Variants in RIMS2 observed in about 807,000 individuals in gnomAD.
RIMS2 encodes regulating synaptic membrane exocytosis 2.
In RIMS2, 59 loss-of-function variants were observed where a neutral mutation model predicts 174.4. The ratio of observed to expected loss-of-function variants is 0.34; its 90% CI spans 0.27 to 0.42. The LOEUF (loss-of-function observed/expected upper bound fraction) is 0.42, where lower values mean the gene tolerates loss of function less well. Ranked by LOEUF, RIMS2 falls within the 10% of genes least tolerant of loss-of-function variation. RIMS2 has a pLI of 1.00. For missense variants in RIMS2, 1,620 were observed against 1,666.3 expected, an observed-to-expected ratio of 0.97 and a Z score of 0.48; for synonymous variants, 606 against 572.5, an observed-to-expected ratio of 1.06 and a Z score of -0.84.
At chr8:103,590,149 C>G (rs1443528535) in intron 1 of RIMS2, among the ~76,000 whole-genome samples, 1 of 151,308 alleles carries the variant, frequency 6.6e-6, no homozygotes, top group East Asian at 1.9e-4. Context: ...TCAGGATGTG[C>G]TTATTTCATG....
intron 3 of RIMS2, among the ~76,000 whole-genome samples, chr8:103,862,911 T>G (rs2099066062): frequency 6.6e-6 from 1 of 152,156 alleles, no homozygotes; most frequent in Non-Finnish European, 1.5e-5. Context: ...TGATCAGAGA[T>G]AATTTGACTT....
intron 1 of RIMS2, among the ~76,000 whole-genome samples, chr8:103,529,711 G>A (rs1015596787): frequency 1.1e-4 from 17 of 152,180 alleles, no homozygotes; most frequent in Middle Eastern, 3.2e-3. Flanking sequence ...CCCATCTTCC[G>A]TGTCGCTCAC....
intron 19 of RIMS2, among the ~76,000 whole-genome samples, chr8:104,041,989 T>C (rs990670753): frequency 6.6e-6 from 1 of 151,490 alleles, no homozygotes; most frequent in African/African-American, 2.4e-5. Context: ...TGAACACATG[T>C]GGTACTGTTC....
intron 19 of RIMS2, among the ~76,000 whole-genome samples, chr8:104,214,297 C>T (rs1329553258): frequency 2.0e-5 from 3 of 152,146 alleles, no homozygotes; most frequent in Non-Finnish European, 4.4e-5. Context: ...TCTTGTTAGA[C>T]GTGAGCCACT....
rs140075458 is a variant in RIMS2, at chr8:104,125,450, A to G, written c.3334+110835A>G. On this transcript the variant is annotated intron_variant, in intron 19 of 23. Transcript: ENST00000504942. ...TTATGAGGTTTAAATTAGTGCATGTACCTACTTAGAATAATGCCTAGTACA... is the reference window on the plus strand; with the variant it reads ...TTATGAGGTTTAAATTAGTGCATGTGCCTACTTAGAATAATGCCTAGTACA... 2.4e-3 allele frequency among the ~76,000 whole-genome samples: 358 copies of G among 152,258 alleles called. 3 individuals are homozygous for G. Among genetic ancestry groups the G allele is most frequent in the Non-Finnish European group, 6.8e-4 (46 of 68,024 alleles).
At chr8:104,099,573 G>GGC (rs1383236829) in intron 19 of RIMS2, among the ~76,000 whole-genome samples, 1 of 152,096 alleles carries the variant, frequency 6.6e-6, no homozygotes, top group Non-Finnish European at 1.5e-5. Flanking sequence ...GTGGTGTGTA[G>GGC]GTGCTATTCC....
chr8:103,633,466 C>T (rs2095996060), intron 1 of RIMS2, among the ~76,000 whole-genome samples: 1 of 152,092 alleles, frequency 6.6e-6, no homozygotes, highest in Non-Finnish European at 1.5e-5. Context: ...ATTTTTATAT[C>T]ATGTTCATCA....
chr8:104,097,456 C>T (rs2097782293), intron 19 of RIMS2, among the ~76,000 whole-genome samples: 1 of 152,052 alleles, frequency 6.6e-6, no homozygotes, highest in Admixed American at 6.6e-5. Context: ...TTCTATGCTC[C>T]CAACCAGTAG....
chr8:104,177,681 T>C (rs1460153383), intron 19 of RIMS2, among the ~76,000 whole-genome samples: 1 of 152,126 alleles, frequency 6.6e-6, no homozygotes, highest in Non-Finnish European at 1.5e-5. Context: ...AAAACACAAG[T>C]AAACAAATTG....
intron 2 of RIMS2, among the ~76,000 whole-genome samples, chr8:103,744,616 T>C (rs1389983798): frequency 6.6e-6 from 1 of 152,218 alleles, no homozygotes; most frequent in Admixed American, 6.5e-5. Context: ...AAATGGTACC[T>C]GCAAATGGTT....
At chr8:103,763,230 G>T (rs2098131283) in intron 2 of RIMS2, among the ~76,000 whole-genome samples, 1 of 152,100 alleles carries the variant, frequency 6.6e-6, no homozygotes, top group Non-Finnish European at 1.5e-5. Context: ...TTGAACTCAG[G>T]CATTCAAGAC....
At chr8:103,834,536 A>T (rs2098846620) in intron 3 of RIMS2, among the ~76,000 whole-genome samples, 1 of 150,702 alleles carries the variant, frequency 6.6e-6, no homozygotes, top group African/African-American at 2.4e-5. Context: ...TATGCATGAG[A>T]TTTTGGCAGT....
At chr8:103,609,383 T>A (rs1369794609) in intron 1 of RIMS2, among the ~76,000 whole-genome samples, 1 of 152,202 alleles carries the variant, frequency 6.6e-6, no homozygotes, top group Non-Finnish European at 1.5e-5. Flanking sequence ...TGCCAATGTT[T>A]GTTTTTGTTG....
chr8:104,041,318 GATC>G lies in RIMS2; in HGVS notation c.3334+26705_3334+26707del. On this transcript the variant is annotated intron_variant, in intron 19 of 23. Transcript: ENST00000504942. ...TCTATGTCTGTCCATTACACGATGT[GATC>G]ACAGAAGAACTGGACTCTACAAGGA... is the stretch of plus-strand genomic sequence containing the variant. 1.4e-6 allele frequency: 1 copy of G among 697,192 alleles called. No homozygotes were observed. Among genetic ancestry groups the G allele is most frequent in the Non-Finnish European group, 2.6e-6 (1 of 379,524 alleles). 43.2% of individuals were successfully genotyped at this position (697,192 alleles called of 1,614,324 possible).
intron 19 of RIMS2, among the ~76,000 whole-genome samples, chr8:104,183,821 T>G (rs1017889401): frequency 6.6e-6 from 1 of 151,610 alleles, no homozygotes; most frequent in Non-Finnish European, 1.5e-5. Context: ...GTCTCGTTAA[T>G]TTATGTATCA....
intron 19 of RIMS2, among the ~76,000 whole-genome samples, chr8:104,148,173 T>C (rs2098658784): frequency 6.7e-6 from 1 of 150,146 alleles, no homozygotes; most frequent in African/African-American, 2.5e-5. Flanking sequence ...ATCAGCCTTT[T>C]TTTTTTTTTT....
chr8:104,103,172 C>G (rs2097941554), intron 19 of RIMS2, among the ~76,000 whole-genome samples: 1 of 148,548 alleles, frequency 6.7e-6, no homozygotes, highest in South Asian at 2.2e-4. Context: ...TATGAAATGT[C>G]CAGAATAGGA....
At chr8:103,765,491 A>G (rs12546381) in intron 2 of RIMS2, among the ~76,000 whole-genome samples, 23,923 of 152,160 alleles carry the variant, frequency 0.16, 1,994 homozygotes, top group Middle Eastern at 0.24. Flanking sequence ...TACAATTAAA[A>G]ATGGTTAAAA....
chr8:103,917,154 A>T (rs1379610706), intron 8 of RIMS2, among the ~76,000 whole-genome samples: 1 of 152,196 alleles, frequency 6.6e-6, no homozygotes. Flanking sequence ...TAAAATATAT[A>T]CCTATATCAG....
Sources: gnomAD v4.1 joint callset for allele counts (sites outside exome capture counted in the v4.1 genomes callset) on GRCh38, gnomAD v4.1.1 for gene constraint, MANE v1.5 for transcripts, NCBI Gene and HGNC (gene_info 2026-07-23, HGNC 2026-07-21) for gene names.